The following RELN variants were observed in gnomAD, a reference collection of about 807,000 sequenced individuals.
The protein encoded by RELN is reelin.
A neutral mutation model predicts 427.6 loss-of-function variants in RELN; 108 were observed. That is an observed-to-expected ratio of 0.25 (90% CI 0.22 to 0.30). The LOEUF (loss-of-function observed/expected upper bound fraction) is 0.30. Among genes scored for constraint, RELN ranks in the 10% least tolerant of loss-of-function variants. RELN has a pLI of 1.00. For synonymous variants in RELN, 1,524 were observed against 1,513.4 expected, an observed-to-expected ratio of 1.01 and a Z score of -0.16; for missense variants, 3,715 against 4,302.8, an observed-to-expected ratio of 0.86 and a Z score of 3.82.
At chr7:103,540,488 C>G (rs764063072) in intron 43 of RELN, 33 bp from the exon 44 acceptor site, 1 of 1,609,634 alleles carries the variant, frequency 6.2e-7, no homozygotes, top group Non-Finnish European at 8.5e-7. Context: ...AAGACTTTCA[C>G]TTCCAAAAGA....
intron 4 of RELN, among the ~76,000 whole-genome samples, chr7:103,755,318 T>TA (rs1791108066): frequency 6.7e-6 from 1 of 149,434 alleles, no homozygotes; most frequent in African/African-American, 2.5e-5. Flanking sequence ...AATAAAAAAA[T>TA]AAAAAAATGG....
intron 3 of RELN, among the ~76,000 whole-genome samples, chr7:103,788,274 G>A (rs922013984): frequency 1.3e-5 from 2 of 152,162 alleles, no homozygotes; most frequent in Non-Finnish European, 2.9e-5. Context: ...TTTGAAAATC[G>A]GCACAAGGCA....
At chr7:103,739,054 T>C (rs1790571395) in intron 6 of RELN, among the ~76,000 whole-genome samples, 1 of 152,204 alleles carries the variant, frequency 6.6e-6, no homozygotes, top group Admixed American at 6.5e-5. Flanking sequence ...TTCATTCCTC[T>C]TTATTGCCGA....
intron 1 of RELN, among the ~76,000 whole-genome samples, chr7:103,986,922 A>T (rs4489256): frequency 0.7 from 104,816 of 150,788 alleles, 36,741 homozygotes; most frequent in East Asian, 0.94. Context: ...GTTCAATTCT[A>T]ACAGAAGCTG....
chr7:103,637,433 G>A (rs1244004178), intron 17 of RELN, among the ~76,000 whole-genome samples: 2 of 152,148 alleles, frequency 1.3e-5, no homozygotes, highest in Non-Finnish European at 2.9e-5. Context: ...TACTTCTTTG[G>A]CAGTACTACT....
At chr7:103,684,659 A>G (rs1833726004) in intron 10 of RELN, among the ~76,000 whole-genome samples, 1 of 152,144 alleles carries the variant, frequency 6.6e-6, no homozygotes, top group Non-Finnish European at 1.5e-5. Context: ...TTTTTGTAGA[A>G]GCCATTTAAC....
rs3025939 is a variant in RELN at position 103,553,721 on chromosome 7, A to G, written c.5908T>C (p.Trp1970Arg). Residue 1970 changes from tryptophan to arginine, a missense_variant, in exon 39 of 65, where the codon TGG becomes CGG. Physicochemically the swap from Trp to Arg is moderately radical, Grantham distance 101. Around this residue, in one of 4 missense-constraint regions of RELN, gnomAD observed 1,310 missense variants for 1,643.0 expected, o/e 0.80. Coordinates refer to ENST00000428762, the MANE Select transcript of RELN (RefSeq NM_005045.4). ...TFDFGPREDN[W>R]FFYPGGNIGL... ...ATGTTACCACCAGGATAGAAAAACC[A>G]ATTGTCTTCTCTGGGCCCAAAATCA... 1.2e-6 allele frequency: 2 copies of G among 1,614,062 alleles called. No homozygotes were observed. The highest frequency in any genetic ancestry group is 1.3e-5 in the African/African-American group (1 of 74,938).
intron 2 of RELN, among the ~76,000 whole-genome samples, chr7:103,891,492 A>G (rs1794848392): frequency 6.6e-6 from 1 of 152,088 alleles, no homozygotes; most frequent in South Asian, 2.1e-4. Context: ...TATAATAGTG[A>G]GCATGTTCAA....
chr7:103,949,050 C>G (rs1011497941), intron 1 of RELN, among the ~76,000 whole-genome samples: 2 of 144,592 alleles, frequency 1.4e-5, no homozygotes, highest in African/African-American at 5.4e-5. Context: ...AAAAAAAACC[C>G]GTATACATAT....
chr7:103,883,603 A>G (rs1160300999), intron 2 of RELN, among the ~76,000 whole-genome samples: 1 of 152,256 alleles, frequency 6.6e-6, no homozygotes, highest in Non-Finnish European at 1.5e-5. Flanking sequence ...TACAAAATCA[A>G]TGTGCAAAAG....
At chr7:103,728,687 T>C in intron 6 of RELN, among the ~76,000 whole-genome samples, 1 of 152,176 alleles carries the variant, frequency 6.6e-6, no homozygotes. Context: ...AAAACTTGTA[T>C]CTCTGAAATT....
At chr7:103,646,089 A>C (rs1387154945) in intron 16 of RELN, among the ~76,000 whole-genome samples, 4 of 151,868 alleles carry the variant, frequency 2.6e-5, no homozygotes, top group Non-Finnish European at 5.9e-5. Context: ...AATGAGTGAA[A>C]ATAGAGACAT....
At chr7:103,870,236 T>C (rs1794297589) in intron 2 of RELN, among the ~76,000 whole-genome samples, 1 of 152,142 alleles carries the variant, frequency 6.6e-6, no homozygotes, top group Admixed American at 6.6e-5. Context: ...ATCTGGGCCA[T>C]CTCAGGACTG....
chr7:103,644,979 G>A (rs924262179), intron 16 of RELN, among the ~76,000 whole-genome samples: 2 of 151,504 alleles, frequency 1.3e-5, no homozygotes, highest in Non-Finnish European at 3.0e-5. Context: ...CTATTTTTAG[G>A]TTTCTAAAGA....
At chr7:103,571,223 C>T (rs1245087125) in intron 31 of RELN, among the ~76,000 whole-genome samples, 1 of 152,166 alleles carries the variant, frequency 6.6e-6, no homozygotes, top group Non-Finnish European at 1.5e-5. Flanking sequence ...TATTAACAAA[C>T]TTAGAAGGTG....
intron 1 of RELN, among the ~76,000 whole-genome samples, chr7:103,928,372 G>T (rs1221702921): frequency 2.0e-5 from 3 of 152,116 alleles, no homozygotes; most frequent in African/African-American, 7.2e-5. Flanking sequence ...AATCACCTGA[G>T]AAGCTTTTTA....
At chr7:103,950,319 G>C (rs945363910) in intron 1 of RELN, among the ~76,000 whole-genome samples, 7 of 152,058 alleles carry the variant, frequency 4.6e-5, no homozygotes, top group African/African-American at 1.7e-4. Context: ...AGTTTCTACA[G>C]ACATAGTCAC....
rs1211320515 is a variant in RELN at position 103,741,634 on chromosome 7, A to G, written c.656+7792T>C. On this transcript the variant is annotated intron_variant, in intron 6 of 64. Transcript: ENST00000428762. ...GAAAAGAGAAGAGGGAGGAGAGGGA[A>G]CGGGAGAGGAAGAGATGAAAGCAAG... is the stretch of plus-strand genomic sequence containing the variant. Among the ~76,000 whole-genome samples, 5 of 139,890 alleles carry G rather than the reference A, an allele frequency of 3.6e-5. 1 individual carries two copies. The highest frequency in any genetic ancestry group is 5.6e-5 in the African/African-American group (2 of 35,538). The allele number at this position is 139,890 out of a possible 152,430, so 91.8% of individuals were successfully genotyped here.
At chr7:103,593,413 A>C (rs950311583) in intron 27 of RELN, among the ~76,000 whole-genome samples, 1 of 152,200 alleles carries the variant, frequency 6.6e-6, no homozygotes, top group Non-Finnish European at 1.5e-5. Context: ...TGAAGTTCTA[A>C]AAGTCAATTT....
Sources: gnomAD v4.1 joint callset for allele counts (sites outside exome capture counted in the v4.1 genomes callset) on GRCh38, gnomAD v4.1.1 for gene constraint, gnomAD v4.1.1 regional missense constraint, MANE v1.5 for transcripts, NCBI Gene and HGNC (gene_info 2026-07-23, HGNC 2026-07-21) for gene names.